The following WDPCP variants were observed in gnomAD, a reference collection of about 807,000 sequenced individuals.
WDPCP encodes WD repeat-containing and planar cell polarity effector protein fritz homolog.
In WDPCP, 71 loss-of-function variants were observed where a neutral mutation model predicts 93.1. That is an observed-to-expected ratio of 0.76 (90% CI 0.63 to 0.93). The LOEUF (loss-of-function observed/expected upper bound fraction) is 0.93. WDPCP is among the 40% of genes least tolerant of loss of function. The pLI, the probability that WDPCP is intolerant of heterozygous loss-of-function variation, is 0.00. For missense variants in WDPCP, 844 were observed against 887.4 expected (o/e 0.95, Z 0.62); for synonymous variants, 315 against 315.0 (o/e 1.00, Z 0.00).
intron 10 of WDPCP, among the ~76,000 whole-genome samples, chr2:63,398,283 AT>A (rs1459809268): frequency 6.6e-6 from 1 of 152,182 alleles, no homozygotes; most frequent in Non-Finnish European, 1.5e-5. Context: ...AAAAGCTTTA[AT>A]ATCTTAATAG....
intron 1 of WDPCP, among the ~76,000 whole-genome samples, chr2:63,542,499 T>C (rs1340843272): frequency 6.6e-6 from 1 of 152,222 alleles, no homozygotes; most frequent in East Asian, 1.9e-4. Context: ...ATAGTGGCAA[T>C]TGCGATAATG....
chr2:63,536,312 A>G (rs974497854), intron 1 of WDPCP, among the ~76,000 whole-genome samples: 1 of 152,204 alleles, frequency 6.6e-6, no homozygotes, highest in Admixed American at 6.5e-5. Flanking sequence ...CGATTCCTCA[A>G]GGATCTAGAA....
intron 12 of WDPCP, among the ~76,000 whole-genome samples, chr2:63,350,194 A>G (rs1689483893): frequency 6.6e-6 from 1 of 152,200 alleles, no homozygotes; most frequent in Non-Finnish European, 1.5e-5. Context: ...ACAAGGACAG[A>G]AAACCAAACA....
intron 14 of WDPCP, among the ~76,000 whole-genome samples, chr2:63,198,814 T>C (rs1675659975): frequency 6.6e-6 from 1 of 152,092 alleles, no homozygotes; most frequent in Admixed American, 6.6e-5. Context: ...CCTGAAAATG[T>C]AGAAGCAACT....
chr2:63,126,418 A>G (rs1669905395), intron 17 of WDPCP, among the ~76,000 whole-genome samples: 1 of 152,234 alleles, frequency 6.6e-6, no homozygotes, highest in Non-Finnish European at 1.5e-5. Context: ...ATTAAACATA[A>G]CCATTCTCAT....
chr2:63,511,862 T>C (rs1298101563), intron 1 of WDPCP, among the ~76,000 whole-genome samples: 2 of 152,060 alleles, frequency 1.3e-5, no homozygotes, highest in Non-Finnish European at 2.9e-5. Context: ...ACTAAAACAC[T>C]ACAAGCAATT....
At chr2:63,700,294 AAAAAAAAAAC>A (rs1338646706) in intron 2 of WDPCP, among the ~76,000 whole-genome samples, 30 of 147,770 alleles carry the variant, frequency 2.0e-4, no homozygotes, top group Middle Eastern at 3.2e-3. Flanking sequence ...AAAAAAAAAA[AAAAAAAAAAC>A]AAAAAGAAAA....
chr2:63,395,754 T>G (rs972718830), intron 10 of WDPCP, among the ~76,000 whole-genome samples: 4 of 151,756 alleles, frequency 2.6e-5, no homozygotes, highest in Admixed American at 6.6e-5. Context: ...TGAGAAGGAG[T>G]TTTGCTCTTG....
intron 2 of WDPCP, among the ~76,000 whole-genome samples, chr2:63,681,995 C>T (rs1002319994): frequency 8.5e-5 from 13 of 152,212 alleles, no homozygotes; most frequent in African/African-American, 2.4e-4. Flanking sequence ...GGGGGTGCCC[C>T]CAATGCAGAT....
In WDPCP at chr2:63,632,988, C is replaced by A. The variant is rs551687669; in HGVS notation, n.488+17671G>T. 1.2e-3 allele frequency among the ~76,000 whole-genome samples: 179 copies of A among 152,284 alleles called. 1 individual carries two copies. Among genetic ancestry groups the A allele is most frequent in the South Asian group, 7.1e-3 (34 of 4,816 alleles). On this transcript the variant is annotated intron_variant and non_coding_transcript_variant, in intron 3 of 4. Coordinates refer to the WDPCP transcript ENST00000467687. ...TTTGAAAGTAGCACGACAAAATAAA[C>A]TCATCTCATACAAGGGAATCTTCAT...
intron 14 of WDPCP, among the ~76,000 whole-genome samples, chr2:63,227,397 T>A (rs1009055616): frequency 6.6e-5 from 10 of 152,060 alleles, no homozygotes; most frequent in Non-Finnish European, 1.3e-4. Flanking sequence ...GCTACTTTGC[T>A]GCACTGTGCT....
At chr2:63,711,526 G>A (rs1207431013) in intron 2 of WDPCP, 2 of 152,224 alleles carry the variant, frequency 1.3e-5, no homozygotes, top group Admixed American at 1.3e-4. Context: ...AGAGGCCAAG[G>A]TTGGAGGATC....
chr2:63,146,232 C>T (rs1405887864), intron 17 of WDPCP, among the ~76,000 whole-genome samples: 2 of 152,106 alleles, frequency 1.3e-5, no homozygotes, highest in African/African-American at 4.8e-5. Context: ...GCTATAACTT[C>T]CAATACTCTG....
chr2:63,604,843 G>T (rs762483728), intron 3 of WDPCP: 2 of 1,614,154 alleles, frequency 1.2e-6, no homozygotes, highest in South Asian at 2.2e-5. Flanking sequence ...TCTGAAAGAT[G>T]ACAGCTGGCT....
At chr2:63,359,837 T>C (rs1387983138) in intron 12 of WDPCP, 1 of 152,216 alleles carries the variant, frequency 6.6e-6, no homozygotes, top group Non-Finnish European at 1.5e-5. Flanking sequence ...TCCCAGCACT[T>C]TGGGAGGCTG....
chr2:63,331,580 G>C (rs1233218663), intron 12 of WDPCP, among the ~76,000 whole-genome samples: 6 of 152,160 alleles, frequency 3.9e-5, no homozygotes, highest in African/African-American at 1.4e-4. Flanking sequence ...GGGTTTAGAT[G>C]AATGTATAGT....
chr2:63,249,819 G>A (rs144855551), intron 14 of WDPCP, among the ~76,000 whole-genome samples: 76 of 152,270 alleles, frequency 5.0e-4, no homozygotes, highest in African/African-American at 1.7e-3. Flanking sequence ...CGAATCTGAT[G>A]GCTGTCAATT....
At chr2:63,382,909 T>G (rs1019163900) in intron 10 of WDPCP, among the ~76,000 whole-genome samples, 2 of 152,144 alleles carry the variant, frequency 1.3e-5, no homozygotes, top group Non-Finnish European at 2.9e-5. Flanking sequence ...ACAGCCTTCA[T>G]GAGCCTGCAG....
At chr2:63,491,799 T>A (rs75806553) in intron 2 of WDPCP, among the ~76,000 whole-genome samples, 6,889 of 152,260 alleles carry the variant, frequency 0.045, 189 homozygotes, top group South Asian at 0.07. Flanking sequence ...CTCCTCAAAT[T>A]TCTGTATCTT....
Sources: gnomAD v4.1 joint callset for allele counts (sites outside exome capture counted in the v4.1 genomes callset) on GRCh38, gnomAD v4.1.1 for gene constraint, MANE v1.5 for transcripts, NCBI Gene and HGNC (gene_info 2026-07-23, HGNC 2026-07-21) for gene names.